ANKRD36C: variants seen among roughly 807,000 people sequenced by gnomAD.
ANKRD36C encodes ankyrin repeat domain-containing protein 36C.
Under a neutral mutation model 276.4 loss-of-function variants are expected in ANKRD36C, and 61 were observed. The observed-to-expected ratio is 0.22, with a 90% CI of 0.18 to 0.27. The LOEUF (loss-of-function observed/expected upper bound fraction) is 0.27. Among genes scored for constraint, ANKRD36C ranks in the 10% least tolerant of loss-of-function variants. The probability of loss-of-function intolerance (pLI) is 1.00; values close to 1 mark genes in which losing one functional copy is unlikely to be tolerated. For synonymous variants in ANKRD36C, 483 were observed against 680.1 expected, an observed-to-expected ratio of 0.71 and a Z score of 4.51; for missense variants, 1,447 against 2,032.3, an observed-to-expected ratio of 0.71 and a Z score of 5.54.
chr2:95,928,702 G>C (rs1480827950), intron 26 of ANKRD36C, among the ~76,000 whole-genome samples: 2 of 151,098 alleles, frequency 1.3e-5, no homozygotes, highest in Non-Finnish European at 3.0e-5. Context: ...TTTTCCCTCT[G>C]TTTATAACAA....
Position 95,916,668 on chromosome 2 carries a change from C to G in ANKRD36C, c.2348-497G>C, listed in dbSNP as rs139511076. ...CCTTCAGTTGAATGTACACTCACAT[C>G]TCTTCAGTGGAAGTGTCCTAAATTG... On this transcript the variant is annotated intron_variant, in intron 36 of 66. Transcript: ENST00000456556. 6.4e-3 allele frequency among the ~76,000 whole-genome samples: 976 copies of G among 151,760 alleles called. 8 individuals carry two copies. Among genetic ancestry groups the G allele is most frequent in the Non-Finnish European group, 0.01 (687 of 67,710 alleles).
At chr2:95,874,022 T>A (rs548454327) in intron 59 of ANKRD36C, among the ~76,000 whole-genome samples, 7,309 of 151,808 alleles carry the variant, frequency 0.048, 259 homozygotes, top group Non-Finnish European at 0.073. Flanking sequence ...CTCAAGGAAA[T>A]AAAAGAGGAT....
chr2:95,951,237 C>T, intron 15 of ANKRD36C, 111 bp downstream of exon 15: 3 of 921,674 alleles, frequency 3.3e-6, no homozygotes, highest in Non-Finnish European at 4.9e-6. Context: ...CACAGCACTG[C>T]ACTCCAGCCT....
intron 44 of ANKRD36C, among the ~76,000 whole-genome samples, chr2:95,894,736 G>C (rs1676486977): frequency 1.3e-5 from 2 of 151,308 alleles, no homozygotes; most frequent in Admixed American, 1.3e-4. Flanking sequence ...ATGCCTAATA[G>C]TAACAAAGAG....
intron 6 of ANKRD36C, among the ~76,000 whole-genome samples, chr2:95,971,453 C>A (rs1458118126): frequency 6.6e-6 from 1 of 151,862 alleles, no homozygotes; most frequent in Non-Finnish European, 1.5e-5. Flanking sequence ...TCTTTAGGTT[C>A]TTTTCAATAT....
chr2:95,946,923 G>A (rs1158777130), intron 17 of ANKRD36C, among the ~76,000 whole-genome samples: 2 of 151,906 alleles, frequency 1.3e-5, no homozygotes, highest in Non-Finnish European at 2.9e-5. Context: ...TGGGGGTAGG[G>A]GGGAGGGATA....
chr2:95,926,230 T>A (rs1393897599), intron 28 of ANKRD36C, among the ~76,000 whole-genome samples: 3 of 151,588 alleles, frequency 2.0e-5, no homozygotes, highest in Non-Finnish European at 4.4e-5. Flanking sequence ...TATATAAACC[T>A]TATCAAAAAG....
chr2:95,970,363 C>G (rs536045711), intron 6 of ANKRD36C, among the ~76,000 whole-genome samples: 1 of 152,272 alleles, frequency 6.6e-6, no homozygotes, highest in South Asian at 2.1e-4. Flanking sequence ...AAAACACACA[C>G]AGAGAAAATA....
At chr2:95,990,066 C>G (rs928257080) in intron 1 of ANKRD36C, among the ~76,000 whole-genome samples, 2 of 152,092 alleles carry the variant, frequency 1.3e-5, no homozygotes, top group Non-Finnish European at 2.9e-5. Context: ...AATCGACCTT[C>G]AGAATGTGTG....
In ANKRD36C at chr2:95,960,469, T is replaced by C. The variant is rs1678433231; in HGVS notation, c.1003+4A>G. The C allele has an allele frequency of 6.5e-7, 1 of 1,539,554 alleles. No homozygotes were observed. The highest frequency in any genetic ancestry group is 1.2e-5 in the South Asian group (1 of 83,950). On this transcript the variant is annotated splice_donor_region_variant and intron_variant, in intron 10 of 66. Coordinates refer to ENST00000456556, the Ensembl canonical transcript of ANKRD36C. ...GTGGCATTAAATGTGTATTGCAAAA[T>C]TACCTGTCCCAGATTTTTGTTCATC... is the stretch of plus-strand genomic sequence containing the variant.
intron 59 of ANKRD36C, among the ~76,000 whole-genome samples, chr2:95,871,681 G>A (rs1675815756): frequency 6.6e-6 from 1 of 151,994 alleles, no homozygotes; most frequent in African/African-American, 2.4e-5. Flanking sequence ...AACTTTAAAT[G>A]TAAATGGACT....
chr2:95,906,889 C>T (rs1676768249), intron 42 of ANKRD36C, 67 bp from the exon 49 acceptor site: 2 of 111,326 alleles, frequency 1.8e-5, no homozygotes, highest in South Asian at 8.3e-5. Context: ...TACATTCACA[C>T]GGTGTTAGCA....
intron 46 of ANKRD36C, among the ~76,000 whole-genome samples, chr2:95,890,953 C>A (rs1676336015): frequency 6.6e-6 from 1 of 151,474 alleles, no homozygotes; most frequent in African/African-American, 2.4e-5. Flanking sequence ...AAGATTACCT[C>A]ATTTTTATAA....
exon 38 of ANKRD36C, chr2:95,916,022 T>C (rs1385682081): frequency 5.1e-6 from 8 of 1,568,720 alleles, no homozygotes; most frequent in Non-Finnish European, 6.9e-6. Flanking sequence ...CTGGTTATAT[T>C]CGAAAAAGAA....
In ANKRD36C at chr2:95,869,969, T is replaced by C. The variant is rs1239924024; in HGVS notation, c.3541-2388A>G. 4.6e-5 allele frequency among the ~76,000 whole-genome samples: 7 copies of C among 152,248 alleles called. No individual in the cohort carries two copies. The East Asian group carries it at 1.3e-3, about 29-fold the overall frequency. ...GCAGTGAGGCTGGGGGAGGGGCACC[T>C]GCCATTGCCCAGGCTTGCTTAGGTA... is the stretch of plus-strand genomic sequence containing the variant. On this transcript the variant is annotated intron_variant, in intron 59 of 66. Transcript: ENST00000456556.
At chr2:95,912,871 T>A (rs1448278743) in intron 40 of ANKRD36C, among the ~76,000 whole-genome samples, 2 of 151,434 alleles carry the variant, frequency 1.3e-5, no homozygotes, top group African/African-American at 2.4e-5. Context: ...GCTCTTTAAC[T>A]TGACCAATAA....
At chr2:95,864,069 A>G (rs1675637879) in intron 60 of ANKRD36C, among the ~76,000 whole-genome samples, 1 of 151,922 alleles carries the variant, frequency 6.6e-6, no homozygotes, top group Admixed American at 6.6e-5. Flanking sequence ...CATGTATTGG[A>G]TTGGGGGTAT....
chr2:95,851,354 A>T (rs747687858), intron 66 of ANKRD36C, among the ~76,000 whole-genome samples, 159 bp from the exon 87 acceptor site: 7 of 151,486 alleles, frequency 4.6e-5, no homozygotes, highest in Admixed American at 1.3e-4. Context: ...CTTTTTGAGC[A>T]CGGACATGAC....
intron 24 of ANKRD36C, among the ~76,000 whole-genome samples, chr2:95,931,217 G>C (rs1301181497): frequency 6.6e-6 from 1 of 151,568 alleles, no homozygotes; most frequent in African/African-American, 2.4e-5. Flanking sequence ...TCAGACACTT[G>C]ACTAACATGT....
Sources: gnomAD v4.1 joint callset for allele counts (sites outside exome capture counted in the v4.1 genomes callset) on GRCh38, gnomAD v4.1.1 for gene constraint, MANE v1.5 for transcripts, NCBI Gene and HGNC (gene_info 2026-07-23, HGNC 2026-07-21) for gene names.